SYNE1: variants seen among roughly 807,000 people sequenced by gnomAD.
SYNE1 encodes the protein nesprin-1.
SYNE1 carries 616 observed loss-of-function variants against 1,111.0 expected under a neutral mutation model. The ratio of observed to expected loss-of-function variants is 0.55; its 90% confidence interval spans 0.52 to 0.59. The LOEUF is 0.59. SYNE1 is among the 20% of genes least tolerant of loss of function. The pLI, the probability that SYNE1 is intolerant of heterozygous loss-of-function variation, is 0.00. For synonymous variants in SYNE1, 3,855 were observed against 3,825.8 expected, an observed-to-expected ratio of 1.01 and a Z score of -0.28; for missense variants, 10,006 against 10,417.0, an observed-to-expected ratio of 0.96 and a Z score of 1.72.
rs138293734 is a variant in SYNE1, at chr6:152,164,320, T to C, written c.23633A>G (p.Lys7878Arg). The change falls in exon 131 of 146, where the codon AAG becomes AGG. Residue 7878 changes from lysine to arginine, a missense_variant. Coordinates refer to ENST00000367255, the MANE Select transcript of SYNE1 (RefSeq NM_182961.4). ...HLLDLIAARV[K>R]KLKETLVAVQ... ...GGCTACCAGGGTCTCCTTCAGCTTC[T>C]TCACCCTGTGGGCAGAGAAGGGGGA... 9.3e-6 allele frequency: 15 copies of C among 1,614,008 alleles called. No individual in the cohort carries two copies. The African/African-American group carries it at 1.9e-4, about 20-fold the overall frequency.
In SYNE1 at chr6:152,451,075, C is replaced by T. The variant is rs1435463967; in HGVS notation, c.3158G>A (p.Gly1053Asp). Residue 1053 changes from glycine (G) to aspartate (D), a missense_variant, in exon 26 of 146, where the codon GGC becomes GAC. Gly to Asp is a moderately conservative substitution (Grantham distance 94). Transcript: ENST00000367255. ...GTGCTCTTTAATTATCTTTTCACTG[C>T]CTTCCTGGGGCATCAGCTTGGTCTC... ...DRETKLMPQE[G>D]SEKIIKEHRV... 2 of 1,614,160 alleles carry T rather than the reference C, an allele frequency of 1.2e-6. No individual in the cohort carries two copies. Among genetic ancestry groups the T allele is most frequent in the Admixed American group, 1.7e-5 (1 of 60,022 alleles).
intron 3 of SYNE1, among the ~76,000 whole-genome samples, chr6:152,604,074 T>C (rs1484551280): frequency 6.6e-6 from 1 of 151,462 alleles, no homozygotes; most frequent in Non-Finnish European, 1.5e-5. Context: ...TATATGTATA[T>C]ATGTTCTAGA....
intron 3 of SYNE1, among the ~76,000 whole-genome samples, chr6:152,624,517 T>C (rs1360822727): frequency 6.6e-6 from 1 of 152,222 alleles, no homozygotes. Context: ...ACCTGTTAAA[T>C]GGATCCCCTT....
chr6:152,387,800 G>A (rs1051665023), intron 53 of SYNE1, among the ~76,000 whole-genome samples: 2 of 152,036 alleles, frequency 1.3e-5, no homozygotes, highest in African/African-American at 2.4e-5. Context: ...GTGATTATTT[G>A]TTGACTGGAA....
At position 152,452,508 on chromosome 6, in the gene SYNE1, A is replaced by G. The variant is rs188500398; in HGVS notation, c.3027+1078T>C. ...CTTTAACTGTGTTTTTCTTGTGCACAGGGATAATTATTTAGCTTATGTTAC... is the reference window on the plus strand; with the variant it reads ...CTTTAACTGTGTTTTTCTTGTGCACGGGGATAATTATTTAGCTTATGTTAC... On this transcript the variant is annotated intron_variant, in intron 25 of 145. Coordinates refer to ENST00000367255, the MANE Select transcript of SYNE1 (RefSeq NM_182961.4). 1.4e-3 allele frequency among the ~76,000 whole-genome samples: 211 copies of G among 152,342 alleles called. 1 individual carries two copies. The highest frequency in any genetic ancestry group is 4.3e-3 in the African/African-American group (178 of 41,576).
intron 93 of SYNE1, among the ~76,000 whole-genome samples, chr6:152,297,293 C>T (rs2094925350): frequency 6.6e-6 from 1 of 152,214 alleles, no homozygotes; most frequent in East Asian, 1.9e-4. Flanking sequence ...CACGACCCAA[C>T]TGCACTCCAA....
chr6:152,216,852 G>A (rs1191605865), intron 121 of SYNE1, among the ~76,000 whole-genome samples: 1 of 152,028 alleles, frequency 6.6e-6, no homozygotes, highest in Non-Finnish European at 1.5e-5. Context: ...TCAGGAGTTC[G>A]AGACCAGCCT....
chr6:152,546,967 A>G (rs1020373415), intron 3 of SYNE1: 3 of 151,934 alleles, frequency 2.0e-5, no homozygotes, highest in Non-Finnish European at 2.9e-5. Flanking sequence ...AAAAGAAAAG[A>G]AAAGAAAAGA....
chr6:152,419,806 C>A lies in SYNE1; in HGVS notation c.5268-84G>T, dbSNP rs946133958. 8.9e-6 allele frequency: 13 copies of A among 1,464,208 alleles called. 1 individual carries two copies. In the South Asian group the frequency reaches 1.3e-4, roughly 15 times the overall value. 90.7% of individuals were successfully genotyped at this position (1,464,208 alleles called of 1,614,324 possible). On this transcript the variant is annotated intron_variant, in intron 39 of 145. Transcript: ENST00000367255. ...ATGTATTTTGGGAATTAAGCTTACC[C>A]AAGGGCAAAAGCAATGTTGTCACAC...
chr6:152,383,036 A>C (rs1435203062), intron 55 of SYNE1, among the ~76,000 whole-genome samples: 1 of 152,294 alleles, frequency 6.6e-6, no homozygotes, highest in African/African-American at 2.4e-5. Context: ...TGGATGTGAT[A>C]GGTATGGTGT....
At chr6:152,252,216 G>A (rs915924787) in intron 104 of SYNE1, among the ~76,000 whole-genome samples, 2 of 152,074 alleles carry the variant, frequency 1.3e-5, no homozygotes, top group African/African-American at 2.4e-5. Flanking sequence ...AGGTTGCAGT[G>A]AGCTGAGATC....
chr6:152,149,237 T>G (rs897213249), intron 136 of SYNE1, among the ~76,000 whole-genome samples: 2 of 152,178 alleles, frequency 1.3e-5, no homozygotes, highest in African/African-American at 4.8e-5. Context: ...CTCAAAACAA[T>G]CCTTTGTACA....
chr6:152,477,133 T>C (rs867445655), intron 14 of SYNE1, among the ~76,000 whole-genome samples: 1 of 152,150 alleles, frequency 6.6e-6, no homozygotes. Flanking sequence ...ATTGACCCAA[T>C]TGCAATTTTG....
intron 36 of SYNE1, 54 bp from the exon 37 acceptor site, chr6:152,428,446 C>T (rs1424544623): frequency 1.9e-6 from 3 of 1,597,686 alleles, no homozygotes; most frequent in African/African-American, 1.3e-5. Flanking sequence ...ACGAGGCCTG[C>T]ATTTTTCTTT....
chr6:152,236,067 A>G, intron 110 of SYNE1, 40 bp downstream of exon 110: 1 of 1,593,856 alleles, frequency 6.3e-7, no homozygotes, highest in Non-Finnish European at 8.6e-7. Flanking sequence ...AATACAATGC[A>G]GCACTTATCT....
chr6:152,428,868 ACTT>A (rs1563952399), intron 36 of SYNE1, among the ~76,000 whole-genome samples: 1 of 152,090 alleles, frequency 6.6e-6, no homozygotes, highest in Non-Finnish European at 1.5e-5. Flanking sequence ...AAATGGAGAC[ACTT>A]CTTCAAATAA....
chr6:152,141,186 G>A lies in SYNE1; in HGVS notation c.25246+17C>T, dbSNP rs772625869. 8.7e-6 allele frequency: 14 copies of A among 1,613,940 alleles called. No individual in the cohort carries two copies. In the East Asian group the frequency reaches 3.1e-4, roughly 36 times the overall value. On this transcript the variant is annotated intron_variant, in intron 139 of 145. Coordinates refer to ENST00000367255, the MANE Select transcript of SYNE1 (RefSeq NM_182961.4). The stretch of plus-strand genomic sequence containing the variant: ...CTTCTATTTCATTCACTCTTGAACT[G>A]GATGCTACGCACTCACCAGCCGTTT...
Position 152,133,446 on chromosome 6 carries a change from A to T in SYNE1, c.25831T>A (p.Ser8611Thr). 1 of 1,614,242 alleles carries T rather than the reference A, an allele frequency of 6.2e-7. No homozygotes were observed. Among genetic ancestry groups the T allele is most frequent in the Non-Finnish European group, 8.5e-7 (1 of 1,180,036 alleles). The change falls in exon 143 of 146, where the codon TCT (serine) becomes ACT (threonine). Residue 8611 changes from serine (S) to threonine (T), a missense_variant. Coordinates refer to ENST00000367255, the MANE Select transcript of SYNE1 (RefSeq NM_182961.4). The part of the protein sequence containing the change: ...ELLESQLRVA[S>T]LQDMSCQLLV... Reference sequence around the variant, plus strand: ...AGTTGGCAAGACATGTCTTGCAAAGAGGCTACTCTGAGTTGGGATTCCAAC... The same window carrying T: ...AGTTGGCAAGACATGTCTTGCAAAGTGGCTACTCTGAGTTGGGATTCCAAC...
Position 152,476,954 on chromosome 6 carries a change from A to C in SYNE1, c.1351-4541T>G, listed in dbSNP as rs186304769. Among the ~76,000 whole-genome samples, 582 of 152,292 alleles carry C rather than the reference A, an allele frequency of 3.8e-3. 8 individuals carry two copies. Among genetic ancestry groups the C allele is most frequent in the African/African-American group, 0.013 (533 of 41,550 alleles). On this transcript the variant is annotated intron_variant, in intron 14 of 145. Transcript: ENST00000367255. The stretch of plus-strand genomic sequence containing the variant: ...ATTGTGGAGCAAATCAACAATGCCA[A>C]AGTGTGATTAAGGAAAGTGAGGCAG...
Sources: gnomAD v4.1 joint callset for allele counts (sites outside exome capture counted in the v4.1 genomes callset) on GRCh38, gnomAD v4.1.1 for gene constraint, MANE v1.5 for transcripts, NCBI Gene and HGNC (gene_info 2026-07-23, HGNC 2026-07-21) for gene names.